Variants in AHDC1 observed in about 807,000 individuals in gnomAD.
AHDC1 encodes the protein transcription factor Gibbin.
AHDC1 carries 7 observed loss-of-function variants against 87.9 expected under a neutral mutation model. The ratio of observed to expected loss-of-function variants is 0.08; its 90% CI spans 0.05 to 0.15. The LOEUF (loss-of-function observed/expected upper bound fraction) is 0.15. Among genes scored for constraint, AHDC1 ranks in the 10% least tolerant of loss-of-function variants. The pLI, the probability that AHDC1 is intolerant of heterozygous loss-of-function variation, is 1.00. For synonymous variants in AHDC1, 1,051 were observed against 1,006.8 expected (o/e 1.04, Z -0.83); for missense variants, 1,841 against 2,253.2 (o/e 0.82, Z 3.70).
intron 8 of AHDC1, among the ~76,000 whole-genome samples, chr1:27,542,044 TC>T (rs2018948051): frequency 1.3e-5 from 2 of 152,346 alleles, no homozygotes; most frequent in Admixed American, 1.3e-4. Flanking sequence ...CCCAAGCAGG[TC>T]ACTAGCTCAT....
At chr1:27,567,520 G>A (rs1296733661) in intron 3 of AHDC1, among the ~76,000 whole-genome samples, 1 of 151,974 alleles carries the variant, frequency 6.6e-6, no homozygotes, top group Non-Finnish European at 1.5e-5. Flanking sequence ...TGGCTGCCTG[G>A]CCCCATCCCT....
intron 2 of AHDC1, 24 bp from the exon 3 acceptor site, chr1:27,603,518 G>A (rs2089599972): frequency 6.6e-6 from 1 of 152,322 alleles, no homozygotes; most frequent in African/African-American, 2.4e-5. Context: ...TCGTGGAGGA[G>A]CCCTGAGCCG....
chr1:27,550,264 T>C lies in AHDC1; in HGVS notation c.1852A>G (p.Lys618Glu). The change falls in exon 8 of 9, where the codon AAG becomes GAG. Residue 618 changes from lysine (K) to glutamate (E), a missense_variant. Physicochemically the swap from Lys to Glu is moderately conservative, Grantham distance 56. Around this residue, in one of 13 missense-constraint regions of AHDC1, gnomAD observed 84 missense variants for 111.7 expected, o/e 0.75. Transcript: ENST00000673934. ...SKAEYSDVLA[K>E]LAFLNRQSQC... ...CTCTGGCGGTTCAGGAAGGCCAGCT[T>C]GGCCAGGACGTCTGAGTACTCGGCC... 6.2e-7 allele frequency: 1 copy of C among 1,613,922 alleles called. No individual in the cohort carries two copies. Among genetic ancestry groups the C allele is most frequent in the Non-Finnish European group, 8.5e-7 (1 of 1,179,964 alleles).
At chr1:27,584,514 T>C (rs556215341) in intron 3 of AHDC1, among the ~76,000 whole-genome samples, 9 of 152,300 alleles carry the variant, frequency 5.9e-5, no homozygotes, top group African/African-American at 2.2e-4. Flanking sequence ...TTTTTTGCAA[T>C]GTTTTTCTCT....
At chr1:27,568,826 C>T (rs1281866772) in intron 3 of AHDC1, among the ~76,000 whole-genome samples, 1 of 151,834 alleles carries the variant, frequency 6.6e-6, no homozygotes, top group African/African-American at 2.4e-5. Context: ...AACAGGGGAT[C>T]CCCCAGAGAG....
intron 3 of AHDC1, among the ~76,000 whole-genome samples, chr1:27,586,611 G>C (rs1035068081): frequency 1.3e-5 from 2 of 152,188 alleles, no homozygotes; most frequent in African/African-American, 4.8e-5. Context: ...TTGAAGCCAG[G>C]ATCCAGGGCA....
intron 8 of AHDC1, among the ~76,000 whole-genome samples, chr1:27,538,532 T>G (rs1211215667): frequency 6.6e-6 from 1 of 151,702 alleles, no homozygotes; most frequent in Non-Finnish European, 1.5e-5. Flanking sequence ...GTTTTTTTTT[T>G]GAGACAGGTT....
At chr1:27,559,888 AT>A (rs975671333) in intron 3 of AHDC1, among the ~76,000 whole-genome samples, 1 of 152,174 alleles carries the variant, frequency 6.6e-6, no homozygotes, top group African/African-American at 2.4e-5. Context: ...GGGAGTTTGT[AT>A]GCGTGTGATC....
chr1:27,599,828 G>C (rs1254239742), intron 3 of AHDC1, among the ~76,000 whole-genome samples: 1 of 151,872 alleles, frequency 6.6e-6, no homozygotes, highest in Non-Finnish European at 1.5e-5. Context: ...TGCTACCCTG[G>C]GACCTGAAAC....
intron 8 of AHDC1, among the ~76,000 whole-genome samples, chr1:27,539,134 TTTTC>T (rs1205643704): frequency 6.7e-6 from 1 of 149,086 alleles, no homozygotes; most frequent in Non-Finnish European, 1.5e-5. Context: ...GCTTTTTTTC[TTTTC>T]TTTTTTTTTT....
rs372550898 is a variant in AHDC1, at chr1:27,548,290, C to T, written c.3826G>A (p.Gly1276Ser). ...TGPRQPRGGRGGGACSAKKER... is the reference protein window; with the variant it reads ...TGPRQPRGGRSGGACSAKKER... ...TTCTTGGCTGAGCAGGCCCCACCGC[C>T]CCGTCCACCTCGCGGCTGCCGGGGC... The change falls in exon 8 of 9, where the codon GGC (glycine) becomes AGC (serine). Residue 1276 changes from glycine (G) to serine (S), a missense_variant. Physicochemically the swap from Gly to Ser is moderately conservative, Grantham distance 56. Coordinates refer to ENST00000673934, the MANE Select transcript of AHDC1 (RefSeq NM_001371928.1). The T allele has an allele frequency of 1.9e-6, 3 of 1,607,292 alleles. No individual in the cohort carries two copies. The highest frequency in any genetic ancestry group is 2.6e-6 in the Non-Finnish European group (3 of 1,175,798).
intron 8 of AHDC1, 40 bp from the exon 9 acceptor site, chr1:27,534,956 A>G (rs534626323): frequency 1.3e-5 from 2 of 152,284 alleles, no homozygotes; most frequent in Non-Finnish European, 1.5e-5. Context: ...AGTGAGCGGC[A>G]CGCATCGACT....
At chr1:27,538,921 C>T (rs1485913703) in intron 8 of AHDC1, among the ~76,000 whole-genome samples, 1 of 152,100 alleles carries the variant, frequency 6.6e-6, no homozygotes, top group African/African-American at 2.4e-5. Context: ...CCACAGAGGC[C>T]CAAAGCCTGA....
rs1181779555 is a variant in AHDC1, at chr1:27,551,054, C to T, written c.1062G>A (p.Leu354=). 1.0e-5 allele frequency: 16 copies of T among 1,560,096 alleles called. No individual in the cohort carries two copies. Among genetic ancestry groups the T allele is most frequent in the Non-Finnish European group, 1.4e-5 (16 of 1,154,976 alleles). The change falls in exon 8 of 9, where the codon CTG becomes CTA. Residue 354 remains leucine, a synonymous_variant. Coordinates refer to ENST00000673934, the MANE Select transcript of AHDC1 (RefSeq NM_001371928.1). ...AGGGCTCGGCCAGTGGGCAGTGCCC[C>T]AGGGGCTGCTGGGGCTCCAGACGGC... The part of the protein sequence containing the change: ...PGRRLEPQQP[L]GHCPLAEPLR...
rs1413676855 is a variant in AHDC1 at position 27,595,856 on chromosome 1, G to A, written c.-629+7541C>T. Among the ~76,000 whole-genome samples the A allele has an allele frequency of 1.3e-5, 2 of 151,852 alleles. No homozygotes were observed. Among genetic ancestry groups the A allele is most frequent in the African/African-American group, 4.8e-5 (2 of 41,264 alleles). ...GGTGGTTGTGTGTTTGGGGGTATGTGCATGTGAGGTAGCTGGATGTCGGGG... is the reference window on the plus strand; with the variant it reads ...GGTGGTTGTGTGTTTGGGGGTATGTACATGTGAGGTAGCTGGATGTCGGGG... On this transcript the variant is annotated intron_variant, in intron 3 of 8. Coordinates refer to ENST00000673934, the MANE Select transcript of AHDC1 (RefSeq NM_001371928.1). The surrounding 1 kb of genome is among the most constrained non-coding windows in gnomAD (Gnocchi z 4.0).
At chr1:27,589,685 A>G (rs772872520) in intron 3 of AHDC1, among the ~76,000 whole-genome samples, 1 of 152,126 alleles carries the variant, frequency 6.6e-6, no homozygotes, top group Non-Finnish European at 1.5e-5. Flanking sequence ...TGTGAGACCA[A>G]GGATATGTGT....
Position 27,558,998 on chromosome 1 carries a change from C to T in AHDC1, c.-628-115G>A. 4 of 397,612 alleles carry T rather than the reference C, an allele frequency of 1.0e-5. No individual in the cohort carries two copies. The highest frequency in any genetic ancestry group is 8.8e-5 in the Admixed American group (2 of 22,724). 24.6% of individuals were successfully genotyped at this position (397,612 alleles called of 1,614,324 possible). On this transcript the variant is annotated intron_variant, in intron 3 of 8. Coordinates refer to ENST00000673934, the MANE Select transcript of AHDC1 (RefSeq NM_001371928.1). This position sits in a 1 kb window ranked among gnomAD's most constrained non-coding sequence, Gnocchi z 5.6. Reference sequence around the variant, plus strand: ...AAGCTCTCCTACATGGAGTCCCATCCACCTCCAACCTCATCGCATTATCCC... The same window carrying T: ...AAGCTCTCCTACATGGAGTCCCATCTACCTCCAACCTCATCGCATTATCCC...
At chr1:27,566,784 T>C (rs2020339106) in intron 3 of AHDC1, among the ~76,000 whole-genome samples, 1 of 120,730 alleles carries the variant, frequency 8.3e-6, no homozygotes, top group Admixed American at 9.9e-5. Flanking sequence ...GCATCGGCTC[T>C]GGTTTCAGCT....
rs1332969497 is a variant in AHDC1, at chr1:27,548,051, G to A, written c.4065C>T (p.Ser1355=). The A allele has an allele frequency of 1.3e-5, 21 of 1,612,858 alleles. No homozygotes were observed. Among genetic ancestry groups the A allele is most frequent in the Middle Eastern group, 1.6e-4 (1 of 6,072 alleles). The change falls in exon 8 of 9, where the codon TCC becomes TCT. Residue 1355 remains serine, a synonymous_variant. Coordinates refer to ENST00000673934, the MANE Select transcript of AHDC1 (RefSeq NM_001371928.1). ...GPYSMNPSTP[S]DGTFGQGFHC... ...GGAAGCCTTGGCCAAAGGTGCCATC[G>A]GAAGGCGTGGACGGGTTCATGGAGT...
Sources: allele counts gnomAD v4.1 joint callset (sites outside exome capture counted in the v4.1 genomes callset), GRCh38; gene constraint gnomAD v4.1.1; regional missense constraint gnomAD v4.1.1; non-coding constraint Gnocchi (gnomAD v3.1); transcripts MANE v1.5; gene names NCBI Gene and HGNC (gene_info 2026-07-23, HGNC 2026-07-21).